The following NUP58 variants were observed in gnomAD, a reference collection of about 807,000 sequenced individuals.
NUP58 encodes nucleoporin p58/p45.
A neutral mutation model predicts 70.1 loss-of-function variants in NUP58; 17 were observed. That is an observed-to-expected ratio of 0.24 (90% CI 0.17 to 0.36). The LOEUF (loss-of-function observed/expected upper bound fraction) is 0.36. Among genes scored for constraint, NUP58 ranks in the 10% least tolerant of loss-of-function variants. NUP58 has a pLI of 1.00. For synonymous variants in NUP58, 275 were observed against 257.6 expected, an observed-to-expected ratio of 1.07 and a Z score of -0.65; for missense variants, 644 against 701.5, an observed-to-expected ratio of 0.92 and a Z score of 0.93.
At chr13:25,307,970 T>C (rs1440765905) in intron 2 of NUP58, 22 bp downstream of exon 2, 3 of 1,611,786 alleles carry the variant, frequency 1.9e-6, no homozygotes, top group Admixed American at 3.4e-5. Flanking sequence ...CTGATCACAT[T>C]GTCAGAGAGT....
At chr13:25,336,420 G>GTACT (rs2031784793) in intron 13 of NUP58, 1 of 560,264 alleles carries the variant, frequency 1.8e-6, no homozygotes, top group East Asian at 7.6e-5. Context: ...AGTTTTTTGG[G>GTACT]TACTTACTCT....
chr13:25,312,858 T>G (rs1260747801), intron 3 of NUP58, 25 bp from the exon 4 acceptor site: 1 of 1,559,048 alleles, frequency 6.4e-7, no homozygotes, highest in East Asian at 2.4e-5. Context: ...TGTTTGTTTG[T>G]TTATTCATTT....
chr13:25,332,169 G>A (rs972842024), intron 13 of NUP58: 4 of 985,906 alleles, frequency 4.1e-6, no homozygotes, highest in Middle Eastern at 5.2e-4. Flanking sequence ...AGCAAGAGCA[G>A]GAAAAAGATG....
downstream of NUP58, among the ~76,000 whole-genome samples, chr13:25,346,085 A>T (rs1303482715): frequency 6.6e-6 from 1 of 152,224 alleles, no homozygotes; most frequent in African/African-American, 2.4e-5. Flanking sequence ...TTCAGTAAAC[A>T]TTCCTTAATA....
chr13:25,301,627 C>T lies in NUP58; in HGVS notation c.-147C>T, dbSNP rs963860709. 25 of 449,622 alleles carry T rather than the reference C, an allele frequency of 5.6e-5. No homozygotes were observed. The highest frequency in any genetic ancestry group is 4.8e-4 in the Admixed American group (11 of 23,040). The allele number at this position is 449,622 out of a possible 1,614,324, so 27.9% of individuals were successfully genotyped here. ...TTGCGTGGTTGCTCCACCCCCTCAG[C>T]CTTGCCTTCGCCGCCGTTGGGGCTG... On this transcript the variant is annotated 5_prime_UTR_variant, in exon 1 of 16. Coordinates refer to ENST00000381736, the MANE Select transcript of NUP58 (RefSeq NM_014089.4).
chr13:25,317,576 T>C (rs1386069496), intron 6 of NUP58: 2 of 152,152 alleles, frequency 1.3e-5, no homozygotes, highest in Admixed American at 6.5e-5. Flanking sequence ...TTACAAAATA[T>C]AATAAAATGT....
At chr13:25,316,447 CT>C (rs67067603) in intron 6 of NUP58, among the ~76,000 whole-genome samples, 139,750 of 151,892 alleles carry the variant, frequency 0.92, 65,237 homozygotes, top group Non-Finnish European at 1. Context: ...ATCTATATGA[CT>C]TTTTTTTTAA....
At chr13:25,349,782 C>G (rs2032085535) in exon 4 of NUP58, 1 of 152,080 alleles carries the variant, frequency 6.6e-6, no homozygotes, top group Non-Finnish European at 1.5e-5. Flanking sequence ...TAAAACTTGC[C>G]TTTGGTGTTT....
At chr13:25,332,689 A>T (rs867658665) in intron 13 of NUP58, 1 of 985,370 alleles carries the variant, frequency 1.0e-6, no homozygotes, top group Admixed American at 6.1e-5. Context: ...TGATAGATTT[A>T]TGCCAAATCC....
chr13:25,331,772 T>C, intron 13 of NUP58: 2 of 1,390,950 alleles, frequency 1.4e-6, no homozygotes, highest in Non-Finnish European at 1.9e-6. Flanking sequence ...AGATATTGAA[T>C]ATTGTGAATC....
Position 25,341,297 on chromosome 13 carries a change from T to C in NUP58, c.*1163T>C, listed in dbSNP as rs1490692787. 6.6e-6 allele frequency: 1 copy of C among 152,616 alleles called. No individual in the cohort carries two copies. Among genetic ancestry groups the C allele is most frequent in the African/African-American group, 2.4e-5 (1 of 41,440 alleles). The allele number at this position is 152,616 out of a possible 1,614,324, so 9.5% of individuals were successfully genotyped here. ...TGAGATGTTTTTTTCTTATCTGAGA[T>C]GAACTTTCAGGAGCCTATTTGAACT... On this transcript the variant is annotated 3_prime_UTR_variant, in exon 16 of 16. Transcript: ENST00000381736.
Position 25,341,678 on chromosome 13 carries a change from A to G in NUP58, c.*1544A>G, listed in dbSNP as rs1437572403. 1 of 152,678 alleles carries G rather than the reference A, an allele frequency of 6.5e-6. No individual in the cohort carries two copies. 9.5% of individuals were successfully genotyped at this position (152,678 alleles called of 1,614,324 possible). ...CATTAGTATTAGTGACATCAGGTGG[A>G]TATAAAAGAAAACCCTTGGAAAGAG... On this transcript the variant is annotated 3_prime_UTR_variant, in exon 16 of 16. Coordinates refer to ENST00000381736, the MANE Select transcript of NUP58 (RefSeq NM_014089.4).
intron 1 of NUP58, among the ~76,000 whole-genome samples, chr13:25,306,107 T>TA (rs1415123712): frequency 3.3e-5 from 5 of 151,528 alleles, no homozygotes; most frequent in Admixed American, 6.6e-5. Flanking sequence ...CCCTTATATT[T>TA]AAAAAAAAAT....
rs1281691193 is a variant in NUP58, at chr13:25,331,527, A to G, written c.1404A>G (p.Ala468=). The G allele has an allele frequency of 1.9e-6, 3 of 1,614,006 alleles. No homozygotes were observed. The highest frequency in any genetic ancestry group is 2.5e-6 in the Non-Finnish European group (3 of 1,180,012). The change falls in exon 13 of 16, where the codon GCA becomes GCG. Residue 468 remains alanine (A), a synonymous_variant. Transcript: ENST00000381736. The part of the protein sequence containing the change: ...MPNAAAVAMA[A]TLTQQQQPAT... ...ACGCAGCAGCCGTTGCCATGGCTGCAACACTTACACAGCAGCAACAGCCTG... is the reference window on the plus strand; with the variant it reads ...ACGCAGCAGCCGTTGCCATGGCTGCGACACTTACACAGCAGCAACAGCCTG...
chr13:25,331,641 G>T, intron 13 of NUP58, 83 bp downstream of exon 13: 1 of 1,522,572 alleles, frequency 6.6e-7, no homozygotes, highest in Non-Finnish European at 8.9e-7. Flanking sequence ...CCATTTGTGT[G>T]AGCACTGAAG....
chr13:25,302,469 A>T lies in NUP58; in HGVS notation c.107+589A>T, dbSNP rs563529780. 3.3e-4 allele frequency among the ~76,000 whole-genome samples: 50 copies of T among 152,352 alleles called. 1 individual carries two copies. Among genetic ancestry groups the T allele is most frequent in the African/African-American group, 1.2e-3 (50 of 41,586 alleles). Reference sequence around the variant, plus strand: ...CAGTATGTGCAGATTAGTATATCTGATGCGAGAATGTTGTGTTGTAATAAC... The same window carrying T: ...CAGTATGTGCAGATTAGTATATCTGTTGCGAGAATGTTGTGTTGTAATAAC... On this transcript the variant is annotated intron_variant, in intron 1 of 15. Coordinates refer to ENST00000381736, the MANE Select transcript of NUP58 (RefSeq NM_014089.4).
chr13:25,336,599 T>TA (rs1355825060), intron 13 of NUP58, among the ~76,000 whole-genome samples: 1 of 152,198 alleles, frequency 6.6e-6, no homozygotes, highest in African/African-American at 2.4e-5. Context: ...ATTCTAGAAG[T>TA]AAATCTAAAG....
At chr13:25,302,161 C>T (rs747306321) in intron 1 of NUP58, among the ~76,000 whole-genome samples, 17 of 152,214 alleles carry the variant, frequency 1.1e-4, no homozygotes, top group Non-Finnish European at 1.9e-4. Flanking sequence ...GTCTTGACTG[C>T]GTGGAAGGGC....
chr13:25,332,179 G>GTT, intron 13 of NUP58: 2 of 986,026 alleles, frequency 2.0e-6, no homozygotes, highest in Non-Finnish European at 2.4e-6. Flanking sequence ...GGAAAAAGAT[G>GTT]TTTTGAGATG....
Sources: allele counts gnomAD v4.1 joint callset (sites outside exome capture counted in the v4.1 genomes callset), GRCh38; gene constraint gnomAD v4.1.1; transcripts MANE v1.5; gene names NCBI Gene and HGNC (gene_info 2026-07-23, HGNC 2026-07-21).